GPAT4: variants seen among roughly 807,000 people sequenced by gnomAD.
GPAT4 encodes 1-AGP acyltransferase 6.
Under a neutral mutation model 58.0 loss-of-function variants are expected in GPAT4, and 17 were observed. That is an observed-to-expected ratio of 0.29 (90% CI 0.20 to 0.44). The LOEUF (loss-of-function observed/expected upper bound fraction) is 0.44. Ranked by LOEUF, GPAT4 falls within the 20% of genes least tolerant of loss-of-function variation. GPAT4 has a pLI of 1.00. For synonymous variants in GPAT4, 204 were observed against 210.1 expected, an observed-to-expected ratio of 0.97 and a Z score of 0.25; for missense variants, 377 against 574.5, an observed-to-expected ratio of 0.66 and a Z score of 3.51.
chr8:41,599,575 C>T (rs2977844), intron 2 of GPAT4, among the ~76,000 whole-genome samples: 33,060 of 152,136 alleles, frequency 0.22, 4,573 homozygotes, highest in South Asian at 0.32. Flanking sequence ...TAAAGAAAAG[C>T]ACTGCCAATC....
At chr8:41,607,452 C>T (rs1027160855) in intron 2 of GPAT4, among the ~76,000 whole-genome samples, 4 of 152,074 alleles carry the variant, frequency 2.6e-5, no homozygotes, top group Non-Finnish European at 5.9e-5. Flanking sequence ...CTGAAATTGT[C>T]ATCTGAGAGG....
rs145089911 is a variant in GPAT4, at chr8:41,618,663, C to A, written c.1054-21C>A. ...TGTGAGAACTACTCATGTCTTACCT[C>A]CAGCTTTCCATTGTTTTCAGTATGA... is the stretch of plus-strand genomic sequence containing the variant. On this transcript the variant is annotated intron_variant, in intron 10 of 12. Coordinates refer to ENST00000396987, the MANE Select transcript of GPAT4 (RefSeq NM_178819.4). 278 of 1,613,356 alleles carry A rather than the reference C, an allele frequency of 1.7e-4. 1 individual carries two copies. The East Asian group carries it at 3.9e-3, about 22-fold the overall frequency.
chr8:41,604,389 G>A (rs368494028), intron 2 of GPAT4, among the ~76,000 whole-genome samples: 1 of 152,168 alleles, frequency 6.6e-6, no homozygotes, highest in South Asian at 2.1e-4. Flanking sequence ...TATCTTTTCT[G>A]TTCCCTTTCC....
At position 41,609,936 on chromosome 8, in the gene GPAT4, T is replaced by C; in HGVS notation, c.517T>C (p.Cys173Arg). 1 of 1,607,214 alleles carries C rather than the reference T, an allele frequency of 6.2e-7. No homozygotes were observed. Among genetic ancestry groups the C allele is most frequent in the Non-Finnish European group, 8.5e-7 (1 of 1,175,470 alleles). The change falls in exon 4 of 13, where the codon TGC becomes CGC. Residue 173 changes from cysteine to arginine, a missense_variant. Physicochemically the swap from Cys to Arg is radical, Grantham distance 180 (BLOSUM62 -3). Transcript: ENST00000396987. ...LWGLGVLIRY[C>R]FLLPLRIALA... ...GGGGTTAGGAGTGCTGATTCGGTAC[T>C]GCTTTCTGCTGCCGCTCAGGTGAGG...
rs770397529 is a variant in GPAT4 at position 41,612,941 on chromosome 8, C to T, written c.892C>T (p.Arg298Cys). The change falls in exon 8 of 13, where the codon CGC (arginine) becomes TGC (cysteine). Residue 298 changes from arginine (R) to cysteine (C), a missense_variant. Physicochemically the swap from Arg to Cys is radical, Grantham distance 180. Coordinates refer to ENST00000396987, the MANE Select transcript of GPAT4 (RefSeq NM_178819.4). ...GTTTGAGCGCTCGGAAGTGAAGGAT[C>T]GCCACCTGGTGGCTAAGAGGTAATG... ...VWFERSEVKDRHLVAKRLTEH... is the reference protein window; with the variant it reads ...VWFERSEVKDCHLVAKRLTEH... 1.2e-6 allele frequency: 2 copies of T among 1,614,070 alleles called. No homozygotes were observed. The highest frequency in any genetic ancestry group is 1.7e-6 in the Non-Finnish European group (2 of 1,179,992).
chr8:41,619,104 C>G (rs2150508090), intron 12 of GPAT4, 127 bp downstream of exon 12: 1 of 1,192,450 alleles, frequency 8.4e-7, no homozygotes, highest in Non-Finnish European at 1.2e-6. Flanking sequence ...AGCAGTTTGA[C>G]TCTCCCCGAA....
At position 41,599,178 on chromosome 8, in the gene GPAT4, C is replaced by T. The variant is rs574733240; in HGVS notation, c.39C>T (p.Asn13=). The part of the protein sequence containing the change: ...LLLPFDSLIV[N]LLGISLTVLF... ...TGCCTTTTGATAGCCTGATTGTCAA[C>T]CTTCTGGGCATCTCCCTGACTGTCC... Residue 13 remains asparagine, a synonymous_variant, in exon 2 of 13, where the codon AAC becomes AAT. Transcript: ENST00000396987. 3.1e-6 allele frequency: 5 copies of T among 1,613,400 alleles called. No individual in the cohort carries two copies. The South Asian group carries it at 5.5e-5, about 18-fold the overall frequency.
At chr8:41,578,332 C>A (rs954724127) in intron 1 of GPAT4, 54 bp downstream of exon 1, 3 of 151,840 alleles carry the variant, frequency 2.0e-5, no homozygotes, top group Non-Finnish European at 4.4e-5. Flanking sequence ...TCCGGGGAGC[C>A]GAGAGCGGGA....
rs560755538 is a variant in GPAT4, at chr8:41,619,255, G to A, written c.1262+278G>A. 36 of 497,906 alleles carry A rather than the reference G, an allele frequency of 7.2e-5. No individual in the cohort carries two copies. In the Middle Eastern group the frequency reaches 1.6e-3, roughly 23 times the overall value. 30.8% of individuals were successfully genotyped at this position (497,906 alleles called of 1,614,324 possible). On this transcript the variant is annotated intron_variant, in intron 12 of 12. Coordinates refer to ENST00000396987, the MANE Select transcript of GPAT4 (RefSeq NM_178819.4). ...ACACCTGGACAGTGCCCATCTCTGG[G>A]TGGGCATGACCTGCTACTGATCTGA... is the stretch of plus-strand genomic sequence containing the variant.
chr8:41,582,077 C>G (rs1388903903), intron 1 of GPAT4, among the ~76,000 whole-genome samples: 1 of 128,922 alleles, frequency 7.8e-6, no homozygotes, highest in African/African-American at 2.9e-5. Context: ...GGCGAGATCT[C>G]GGCTCTCTGC....
chr8:41,585,807 G>A (rs751850309), intron 1 of GPAT4, among the ~76,000 whole-genome samples: 5 of 152,158 alleles, frequency 3.3e-5, no homozygotes, highest in East Asian at 1.9e-4. Flanking sequence ...AAATAAAGAC[G>A]TAAGGACAAA....
rs1803872272 is a variant in GPAT4 at position 41,624,918 on chromosome 8, A to G, written c.*3917A>G. On this transcript the variant is annotated 3_prime_UTR_variant, in exon 13 of 13. Coordinates refer to ENST00000396987, the MANE Select transcript of GPAT4 (RefSeq NM_178819.4). ...TCCTATTAGTCTCCCAGCACCACCCAGTAACACATCATTTCAGTACCTGCT... is the reference window on the plus strand; with the variant it reads ...TCCTATTAGTCTCCCAGCACCACCCGGTAACACATCATTTCAGTACCTGCT... 1 of 152,202 alleles carries G rather than the reference A, an allele frequency of 6.6e-6. No individual in the cohort carries two copies. Among genetic ancestry groups the G allele is most frequent in the Admixed American group, 6.5e-5 (1 of 15,278 alleles). The allele number at this position is 152,202 out of a possible 1,614,324, so 9.4% of individuals were successfully genotyped here.
rs893453355 is a variant in GPAT4, at chr8:41,621,069, C to T, written c.*68C>T. 1.9e-6 allele frequency: 3 copies of T among 1,540,634 alleles called. No homozygotes were observed. Among genetic ancestry groups the T allele is most frequent in the Non-Finnish European group, 2.6e-6 (3 of 1,141,332 alleles). On this transcript the variant is annotated 3_prime_UTR_variant, in exon 13 of 13. Transcript: ENST00000396987. ...GGGCTCAGAGCTGGAGTTGCCGCCG[C>T]CGCCCCCACTGCTGTGTCCTTTCCA...
chr8:41,584,337 A>T (rs906074797), intron 1 of GPAT4, among the ~76,000 whole-genome samples: 4 of 152,218 alleles, frequency 2.6e-5, no homozygotes, highest in Admixed American at 6.5e-5. Context: ...ACCCAAGAGA[A>T]ATGAAGTATA....
At chr8:41,617,563 A>C (rs1378417845) in intron 10 of GPAT4, among the ~76,000 whole-genome samples, 1 of 152,168 alleles carries the variant, frequency 6.6e-6, no homozygotes, top group African/African-American at 2.4e-5. Context: ...AGTTAGGGCC[A>C]CAGTCTTGTC....
In GPAT4 at chr8:41,611,908, A is replaced by G; in HGVS notation, c.617A>G (p.Lys206Arg). 2 of 1,614,164 alleles carry G rather than the reference A, an allele frequency of 1.2e-6. No homozygotes were observed. Among genetic ancestry groups the G allele is most frequent in the Non-Finnish European group, 1.7e-6 (2 of 1,179,986 alleles). Residue 206 changes from lysine (K) to arginine (R), a missense_variant, in exon 6 of 13, where the codon AAG becomes AGG. By Grantham distance (26) the Lys-to-Arg change is conservative. Coordinates refer to ENST00000396987, the MANE Select transcript of GPAT4 (RefSeq NM_178819.4). Reference sequence around the variant, plus strand: ...TCCTTGTCCTGTTATTGCAGGTTTAAGGAGTTCATGAGTAAACATGTTCAC... The same window carrying G: ...TCCTTGTCCTGTTATTGCAGGTTTAGGGAGTTCATGAGTAAACATGTTCAC... ...VVGYLPNGRFKEFMSKHVHLM... is the reference protein window; with the variant it reads ...VVGYLPNGRFREFMSKHVHLM...
chr8:41,597,969 C>A (rs1802976548), intron 1 of GPAT4, among the ~76,000 whole-genome samples: 1 of 152,202 alleles, frequency 6.6e-6, no homozygotes, highest in Non-Finnish European at 1.5e-5. Flanking sequence ...ATCTGGGGGA[C>A]AGGAAGGAGA....
intron 2 of GPAT4, among the ~76,000 whole-genome samples, chr8:41,608,616 C>A (rs188885192): frequency 2.6e-5 from 4 of 152,312 alleles, no homozygotes; most frequent in Non-Finnish European, 5.9e-5. Flanking sequence ...TGTGTTATTT[C>A]GGTAATAATC....
At chr8:41,597,723 T>G (rs910677753) in intron 1 of GPAT4, among the ~76,000 whole-genome samples, 1 of 152,222 alleles carries the variant, frequency 6.6e-6, no homozygotes, top group Non-Finnish European at 1.5e-5. Context: ...TTGAAAACTT[T>G]GCACCTGCAG....
Sources: gnomAD v4.1 joint callset for allele counts (sites outside exome capture counted in the v4.1 genomes callset) on GRCh38, gnomAD v4.1.1 for gene constraint, MANE v1.5 for transcripts, NCBI Gene and HGNC (gene_info 2026-07-23, HGNC 2026-07-21) for gene names.